ZNF682: variants seen among roughly 807,000 people sequenced by gnomAD.
ZNF682 encodes the protein zinc finger protein 682.
A neutral mutation model predicts 36.5 loss-of-function variants in ZNF682; 29 were observed. The observed-to-expected ratio is 0.80, with a 90% CI of 0.59 to 1.08. The LOEUF (loss-of-function observed/expected upper bound fraction) is 1.08. ZNF682 is among the 50% of genes least tolerant of loss of function. The pLI, the probability that ZNF682 is intolerant of heterozygous loss-of-function variation, is 0.00. For synonymous variants in ZNF682, 180 were observed against 197.0 expected (o/e 0.91, Z 0.72); for missense variants, 561 against 579.7 (o/e 0.97, Z 0.33).
chr19:20,004,590 T>C lies in ZNF682; in HGVS notation c.*1415A>G, dbSNP rs996544460. 6.6e-6 allele frequency: 1 copy of C among 152,218 alleles called. No individual in the cohort carries two copies. The highest frequency in any genetic ancestry group is 1.5e-5 in the Non-Finnish European group (1 of 68,038). 9.4% of individuals were successfully genotyped at this position (152,218 alleles called of 1,614,324 possible). ...CTATCTCATGCAGCACTTACAAGTTTTATAAGTCAACCACAAAAGTTTCTC... is the reference window on the plus strand; with the variant it reads ...CTATCTCATGCAGCACTTACAAGTTCTATAAGTCAACCACAAAAGTTTCTC... On this transcript the variant is annotated 3_prime_UTR_variant, in exon 4 of 4. Coordinates refer to ENST00000397165, the MANE Select transcript of ZNF682 (RefSeq NM_033196.3).
chr19:20,027,432 C>T lies in ZNF682; in HGVS notation c.4-3056G>A, dbSNP rs140224422. On this transcript the variant is annotated intron_variant, in intron 1 of 3. Transcript: ENST00000397165. The stretch of plus-strand genomic sequence containing the variant: ...CCCCACTCCCCTGCTCCCATGAAAA[C>T]CAAGCACAGCAGGCCCCATGACCTC... 3.5e-3 allele frequency among the ~76,000 whole-genome samples: 532 copies of T among 152,314 alleles called. 1 individual carries two copies. The highest frequency in any genetic ancestry group is 6.8e-3 in the Middle Eastern group (2 of 294).
In ZNF682 at chr19:20,023,047, C is replaced by T; in HGVS notation, c.183G>A (p.Glu61=). 6.2e-7 allele frequency: 1 copy of T among 1,614,068 alleles called. No homozygotes were observed. Among genetic ancestry groups the T allele is most frequent in the Non-Finnish European group, 8.5e-7 (1 of 1,179,974 alleles). The change falls in exon 3 of 4, where the codon GAG becomes GAA. Residue 61 remains glutamate, a synonymous_variant. Transcript: ENST00000397165. Reference sequence around the variant, plus strand: ...TCTCATGTCTCTTCACATTCCAGGGCTCCTGTCTTTGCTCCAGACGGCTAA... The same window carrying T: ...TCTCATGTCTCTTCACATTCCAGGGTTCCTGTCTTTGCTCCAGACGGCTAA... ...ELISRLEQRQ[E]PWNVKRHETI... is the part of the protein sequence containing the mutation.
chr19:20,012,991 GT>G (rs2088303904), intron 3 of ZNF682, among the ~76,000 whole-genome samples: 1 of 151,906 alleles, frequency 6.6e-6, no homozygotes, highest in African/African-American at 2.4e-5. Context: ...AAAATTCATG[GT>G]TCATGGAATA....
rs547562052 is a variant in ZNF682 at position 20,008,031 on chromosome 19, A to C, written c.227-756T>G. 4 of 152,488 alleles carry C rather than the reference A, an allele frequency of 2.6e-5. No homozygotes were observed. The South Asian group carries it at 8.3e-4, about 32-fold the overall frequency. 9.4% of individuals were successfully genotyped at this position (152,488 alleles called of 1,614,324 possible). ...GGTGCCCACAGCATGGCATCCACTT[A>C]TATCACAGATGGTGCTTGACCCCAA... On this transcript the variant is annotated intron_variant, in intron 3 of 3. Transcript: ENST00000397165.
intron 3 of ZNF682, among the ~76,000 whole-genome samples, chr19:20,014,185 A>C (rs911770142): frequency 1.3e-5 from 2 of 152,216 alleles, no homozygotes; most frequent in Non-Finnish European, 2.9e-5. Context: ...CTTTAAAATA[A>C]AGAAAGGTGT....
Position 20,005,648 on chromosome 19 carries a change from C to T in ZNF682, c.*357G>A, listed in dbSNP as rs1256680941. The stretch of plus-strand genomic sequence containing the variant: ...CTTTCCATGTACAAATGTAATGTAT[C>T]ACTATCATTACACCTTGTGTACTCT... On this transcript the variant is annotated 3_prime_UTR_variant, in exon 4 of 4. Coordinates refer to ENST00000397165, the MANE Select transcript of ZNF682 (RefSeq NM_033196.3). The T allele has an allele frequency of 4.9e-6, 1 of 205,176 alleles. No homozygotes were observed. Among genetic ancestry groups the T allele is most frequent in the Non-Finnish European group, 9.8e-6 (1 of 101,834 alleles). 12.7% of individuals were successfully genotyped at this position (205,176 alleles called of 1,614,324 possible). A position where few individuals can be genotyped will look rare whatever the true frequency, so the allele number is the denominator to read the frequency against.
chr19:20,038,334 GATCA>G (rs958501972), intron 1 of ZNF682, among the ~76,000 whole-genome samples: 14 of 152,002 alleles, frequency 9.2e-5, no homozygotes, highest in African/African-American at 3.4e-4. Context: ...TTGAAATAAT[GATCA>G]ATCAAAATAC....
downstream of ZNF682, among the ~76,000 whole-genome samples, chr19:20,000,715 TC>T (rs2088162354): frequency 6.6e-6 from 1 of 152,222 alleles, no homozygotes. Context: ...ATGCAGATGT[TC>T]CTATGTGCCT....
At chr19:20,015,152 T>G in intron 3 of ZNF682, 1 of 967,744 alleles carries the variant, frequency 1.0e-6, no homozygotes, top group Non-Finnish European at 1.2e-6. Flanking sequence ...TAAAATAAAG[T>G]TATAAAGCTT....
chr19:20,033,181 G>A (rs1402872194), intron 1 of ZNF682, among the ~76,000 whole-genome samples: 1 of 152,160 alleles, frequency 6.6e-6, no homozygotes, highest in Non-Finnish European at 1.5e-5. Context: ...GCAGAGGCAG[G>A]AGAATCACTT....
intron 3 of ZNF682, among the ~76,000 whole-genome samples, chr19:20,010,374 T>C (rs2088273701): frequency 6.6e-6 from 1 of 152,114 alleles, no homozygotes; most frequent in African/African-American, 2.4e-5. Context: ...AGACACAAAG[T>C]GGTGGCCAGG....
At chr19:20,021,415 C>T (rs1481458051) in intron 3 of ZNF682, among the ~76,000 whole-genome samples, 2 of 151,988 alleles carry the variant, frequency 1.3e-5, no homozygotes, top group East Asian at 1.9e-4. Flanking sequence ...ACCTGGGAGG[C>T]GGAGGTTGCA....
At position 20,024,351 on chromosome 19, in the gene ZNF682, G is replaced by T. The variant is rs372727727; in HGVS notation, c.29C>A (p.Thr10Asn). Residue 10 changes from threonine (T) to asparagine (N), a missense_variant, in exon 2 of 4, where the codon ACC (threonine) becomes AAC (asparagine). Thr to Asn is a moderately conservative substitution (Grantham distance 65). Coordinates refer to ENST00000397165, the MANE Select transcript of ZNF682 (RefSeq NM_033196.3). The part of the protein sequence containing the change: MELLTFRDV[T>N]IEFSLEEWEF... ...CCACTCCTCCAGAGAGAATTCTATG[G>T]TCACATCCCTGAATGTCAACAGTTC... 17 of 1,612,496 alleles carry T rather than the reference G, an allele frequency of 1.1e-5. No individual in the cohort carries two copies. The highest frequency in any genetic ancestry group is 1.3e-5 in the Non-Finnish European group (15 of 1,179,526).
At chr19:20,024,724 G>A (rs1450216150) in intron 1 of ZNF682, among the ~76,000 whole-genome samples, 4 of 152,166 alleles carry the variant, frequency 2.6e-5, no homozygotes, top group Non-Finnish European at 4.4e-5. Context: ...TGTAATCCCA[G>A]TTACTTGGGA....
At chr19:20,002,990 A>G (rs998137793), downstream of ZNF682, among the ~76,000 whole-genome samples, 4 of 151,872 alleles carry the variant, frequency 2.6e-5, no homozygotes, top group Admixed American at 2.0e-4. Context: ...GGAAATGGAG[A>G]CCATCCTGGC....
intron 3 of ZNF682, among the ~76,000 whole-genome samples, chr19:20,012,767 C>CA (rs35481536): frequency 0.016 from 1,308 of 83,566 alleles, 33 homozygotes; most frequent in African/African-American, 0.042. Flanking sequence ...GACTCCGTCT[C>CA]AAAAAAAAAA....
chr19:20,008,511 T>C (rs1012222050), intron 3 of ZNF682, among the ~76,000 whole-genome samples: 1 of 152,228 alleles, frequency 6.6e-6, no homozygotes. Context: ...GCAATTGCCC[T>C]GCCTGGTGTT....
chr19:20,017,388 G>T (rs2088343652), intron 3 of ZNF682, among the ~76,000 whole-genome samples: 2 of 152,126 alleles, frequency 1.3e-5, no homozygotes, highest in Admixed American at 1.3e-4. Flanking sequence ...CATGCAAACA[G>T]TAAGCTCAAG....
chr19:20,016,988 A>G (rs2088339792), intron 3 of ZNF682, among the ~76,000 whole-genome samples: 1 of 152,204 alleles, frequency 6.6e-6, no homozygotes, highest in Non-Finnish European at 1.5e-5. Context: ...CAACTGAAGT[A>G]AAGATGAGAT....
Sources: allele counts gnomAD v4.1 joint callset (sites outside exome capture counted in the v4.1 genomes callset), GRCh38; gene constraint gnomAD v4.1.1; transcripts MANE v1.5; gene names NCBI Gene and HGNC (gene_info 2026-07-23, HGNC 2026-07-21).